Variants in DRG1 observed in about 807,000 individuals in gnomAD.
DRG1 encodes developmentally regulated GTP binding protein 1.
In DRG1, 19 loss-of-function variants were observed where a neutral mutation model predicts 38.8. That is an observed-to-expected ratio of 0.49 (90% CI 0.34 to 0.72). The LOEUF is 0.72. Among genes scored for constraint, DRG1 ranks in the 30% least tolerant of loss-of-function variants. DRG1 has a pLI of 0.01. For synonymous variants in DRG1, 167 were observed against 157.5 expected (o/e 1.06, Z -0.45); for missense variants, 299 against 444.8 (o/e 0.67, Z 2.95).
At position 31,434,128 on chromosome 22, in the gene DRG1, G is replaced by GA; in HGVS notation, c.*157_*158insA. On this transcript the variant is annotated 3_prime_UTR_variant, in exon 9 of 9. Coordinates refer to ENST00000331457, the MANE Select transcript of DRG1 (RefSeq NM_004147.4). ...ACTGGAACTTCATTTGTCTTACCTT[G>GA]GTGTCACCTTGTATGTCGAACTGCA... 1 of 620,672 alleles carries GA rather than the reference G, an allele frequency of 1.6e-6. No individual in the cohort carries two copies. Among genetic ancestry groups the GA allele is most frequent in the Non-Finnish European group, 2.9e-6 (1 of 349,216 alleles). The allele number at this position is 620,672 out of a possible 1,614,324, so 38.4% of individuals were successfully genotyped here.
intron 6 of DRG1, among the ~76,000 whole-genome samples, chr22:31,425,675 A>G (rs2050106026): frequency 6.6e-6 from 1 of 152,198 alleles, no homozygotes; most frequent in Non-Finnish European, 1.5e-5. Context: ...TCCTGGGCTC[A>G]AGCAATCTGC....
intron 5 of DRG1, 134 bp downstream of exon 5, chr22:31,420,559 T>A: frequency 9.0e-7 from 1 of 1,111,100 alleles, no homozygotes; most frequent in Non-Finnish European, 1.3e-6. Flanking sequence ...AATGACTTTA[T>A]AATGACTGAC....
chr22:31,405,967 C>T (rs1968024), intron 3 of DRG1, among the ~76,000 whole-genome samples: 4,237 of 151,414 alleles, frequency 0.028, 157 homozygotes, highest in Admixed American at 0.08. Flanking sequence ...GGATTATAGG[C>T]GTGAGCCACC....
At position 31,399,673 on chromosome 22, in the gene DRG1, T is replaced by C; in HGVS notation, c.-11T>C. The C allele has an allele frequency of 6.2e-7, 1 of 1,613,986 alleles. No individual in the cohort carries two copies. The highest frequency in any genetic ancestry group is 8.5e-7 in the Non-Finnish European group (1 of 1,179,896). On this transcript the variant is annotated 5_prime_UTR_variant, in exon 1 of 9. Transcript: ENST00000331457. Reference sequence around the variant, plus strand: ...GGGAGACAGTGTGGAGGCCACAGGGTACTCGCCACGATGAGCAGCACCTTA... The same window carrying C: ...GGGAGACAGTGTGGAGGCCACAGGGCACTCGCCACGATGAGCAGCACCTTA...
chr22:31,420,554 C>T (rs1045368747), intron 5 of DRG1, 129 bp downstream of exon 5: 5 of 1,137,520 alleles, frequency 4.4e-6, no homozygotes, highest in Admixed American at 5.8e-5. Context: ...AACACAATGA[C>T]TTTATAATGA....
intron 2 of DRG1, among the ~76,000 whole-genome samples, chr22:31,401,017 A>G (rs2049958066): frequency 6.6e-6 from 1 of 152,128 alleles, no homozygotes; most frequent in Non-Finnish European, 1.5e-5. Context: ...TATATTTTCT[A>G]AGCATGAATT....
intron 5 of DRG1, 65 bp from the exon 6 acceptor site, chr22:31,423,215 T>C (rs940988584): frequency 1.6e-5 from 26 of 1,593,824 alleles, no homozygotes; most frequent in Non-Finnish European, 2.2e-5. Context: ...ACATGGATAT[T>C]GGTACACTTG....
rs2050015351 is a variant in DRG1, at chr22:31,410,996, ATTC to A, written c.343-13_343-11del. 1 of 1,613,210 alleles carries A rather than the reference ATTC, an allele frequency of 6.2e-7. No individual in the cohort carries two copies. ...GTTTTTTCTTTCATCCTCTTCCCCC[ATTC>A]TTAATCTTGCAGCTCCTGGATCTCC... On this transcript the variant is annotated splice_polypyrimidine_tract_variant and intron_variant, in intron 3 of 8. Coordinates refer to ENST00000331457, the MANE Select transcript of DRG1 (RefSeq NM_004147.4).
At chr22:31,423,522 T>C (rs2050089265) in intron 6 of DRG1, 112 bp downstream of exon 6, 3 of 914,774 alleles carry the variant, frequency 3.3e-6, no homozygotes, top group Admixed American at 3.4e-5. Context: ...TGTCCTACTG[T>C]CTTTTTTTTT....
chr22:31,400,743 G>C lies in DRG1; in HGVS notation c.166G>C (p.Gly56Arg). 6.2e-7 allele frequency: 1 copy of C among 1,611,252 alleles called. No homozygotes were observed. Among genetic ancestry groups the C allele is most frequent in the African/African-American group, 1.3e-5 (1 of 74,872 alleles). The change falls in exon 2 of 9, where the codon GGT becomes CGT. Residue 56 changes from glycine (G) to arginine (R), a missense_variant and splice_region_variant. Around this residue, in one of 3 missense-constraint regions of DRG1, gnomAD observed 50 missense variants for 120.6 expected, o/e 0.41. Coordinates refer to ENST00000331457, the MANE Select transcript of DRG1 (RefSeq NM_004147.4). ...KGGGGGGPGE[G>R]FDVAKTGDAR... is the part of the protein sequence containing the mutation. ...TGGTGGTGGTGGAGGTCCAGGAGAA[G>C]GTTTGTGTTCTTCTTCAATATATAT...
rs1474868448 is a variant in DRG1 at position 31,433,869 on chromosome 22, C to T, written c.1005-3C>T. 6.2e-7 allele frequency: 1 copy of T among 1,613,636 alleles called. No homozygotes were observed. Among genetic ancestry groups the T allele is most frequent in the East Asian group, 2.2e-5 (1 of 44,874 alleles). On this transcript the variant is annotated splice_region_variant and splice_polypyrimidine_tract_variant and intron_variant, in intron 8 of 8. Coordinates refer to ENST00000331457, the MANE Select transcript of DRG1 (RefSeq NM_004147.4). ...CTGACTGTTCTTTTTCCCTTCCATG[C>T]AGTGCTCTGGTCTGGGGTCTCTCTG...
chr22:31,400,832 C>T (rs1231615541), intron 2 of DRG1, 89 bp downstream of exon 2: 14 of 1,445,888 alleles, frequency 9.7e-6, no homozygotes, highest in East Asian at 2.9e-5. Flanking sequence ...CTAAAGATGG[C>T]CCAGTGCAGT....
chr22:31,409,445 A>G (rs1417993538), intron 3 of DRG1, among the ~76,000 whole-genome samples: 1 of 152,122 alleles, frequency 6.6e-6, no homozygotes, highest in Non-Finnish European at 1.5e-5. Context: ...AGCCTTTTGA[A>G]GTACAGATCC....
At chr22:31,417,063 C>CAA (rs71319192) in intron 4 of DRG1, among the ~76,000 whole-genome samples, 15 of 143,488 alleles carry the variant, frequency 1.0e-4, no homozygotes, top group East Asian at 6.4e-4. Context: ...CACCCTGTCT[C>CAA]AAAAAAAAAA....
rs572270176 is a variant in DRG1 at position 31,411,675 on chromosome 22, G to C, written c.412+594G>C. 5.9e-5 allele frequency among the ~76,000 whole-genome samples: 9 copies of C among 151,650 alleles called. 1 individual carries two copies. In the South Asian group the frequency reaches 1.9e-3, roughly 32 times the overall value. ...CTCCCAGGTAGCAGGGACTACAGGG[G>C]TGTGTCACTATGCCTGGCTAATTTT... On this transcript the variant is annotated intron_variant, in intron 4 of 8. Coordinates refer to ENST00000331457, the MANE Select transcript of DRG1 (RefSeq NM_004147.4).
chr22:31,428,918 C>T (rs552822297), intron 8 of DRG1, among the ~76,000 whole-genome samples: 6 of 152,298 alleles, frequency 3.9e-5, no homozygotes, highest in Admixed American at 1.3e-4. Context: ...TGTATCATTA[C>T]ATGAGATTCA....
At chr22:31,404,072 C>T (rs947625640) in intron 3 of DRG1, among the ~76,000 whole-genome samples, 1 of 145,786 alleles carries the variant, frequency 6.9e-6, no homozygotes, top group African/African-American at 2.5e-5. Context: ...AACTCCTCTC[C>T]TCTTTCCCAG....
chr22:31,402,391 TATTTTAGTTATAAAAGGGCAGC>T (rs1470082628), intron 2 of DRG1, among the ~76,000 whole-genome samples: 1 of 152,098 alleles, frequency 6.6e-6, no homozygotes, highest in African/African-American at 2.4e-5. Flanking sequence ...TTAATTTGTT[TATTTTAGTTATAAAAGGGCAGC>T]TCCTCCATAG....
intron 3 of DRG1, among the ~76,000 whole-genome samples, chr22:31,404,128 A>G (rs949865882): frequency 4.0e-5 from 6 of 149,486 alleles, no homozygotes; most frequent in Admixed American, 1.3e-4. Flanking sequence ...GAGACCCCCA[A>G]CTTTTTTTTT....
Sources: allele counts gnomAD v4.1 joint callset (sites outside exome capture counted in the v4.1 genomes callset), GRCh38; gene constraint gnomAD v4.1.1; regional missense constraint gnomAD v4.1.1; transcripts MANE v1.5; gene names NCBI Gene and HGNC (gene_info 2026-07-23, HGNC 2026-07-21).